TBX15: variants seen among roughly 807,000 people sequenced by gnomAD.
The protein encoded by TBX15 is T-box transcription factor 15, also known as T-box transcription factor TBX15.
In TBX15, 18 loss-of-function variants were observed where a neutral mutation model predicts 53.9. The ratio of observed to expected loss-of-function variants is 0.33; its 90% CI spans 0.23 to 0.49. The LOEUF is 0.49. TBX15 is among the 20% of genes least tolerant of loss of function. TBX15 has a pLI of 0.98. For synonymous variants in TBX15, 295 were observed against 278.0 expected, an observed-to-expected ratio of 1.06 and a Z score of -0.61; for missense variants, 692 against 749.5, an observed-to-expected ratio of 0.92 and a Z score of 0.90.
rs150743735 is a variant in TBX15 at position 118,905,747 on chromosome 1, A to G, written c.927-6622T>C. ...GTAGAAAGAGATTGGCTGGACAAAT[A>G]TACCCAATGGCTTTAGGGAAACCAA... On this transcript the variant is annotated intron_variant, in intron 6 of 7. Coordinates refer to ENST00000369429, the MANE Select transcript of TBX15 (RefSeq NM_001330677.2). 3.2e-4 allele frequency among the ~76,000 whole-genome samples: 48 copies of G among 152,334 alleles called. No individual in the cohort carries two copies. The East Asian group carries it at 8.5e-3, about 27-fold the overall frequency.
chr1:118,893,613 AAGAGAG>A (rs146118610), intron 7 of TBX15, among the ~76,000 whole-genome samples: 1 of 136,548 alleles, frequency 7.3e-6, no homozygotes, highest in African/African-American at 3.5e-5. Context: ...GAAAGAAAGA[AAGAGAG>A]AGAGAAAGAA....
chr1:118,889,529 C>G (rs995175666), intron 7 of TBX15, among the ~76,000 whole-genome samples: 1 of 152,162 alleles, frequency 6.6e-6, no homozygotes, highest in African/African-American at 2.4e-5. Context: ...CCCTCCTCCC[C>G]TCTGTACCTG....
chr1:118,929,740 A>T (rs1200570384), intron 2 of TBX15, among the ~76,000 whole-genome samples: 1 of 152,236 alleles, frequency 6.6e-6, no homozygotes, highest in Non-Finnish European at 1.5e-5. Context: ...AAATGAACTC[A>T]ATTCACTAAA....
intron 1 of TBX15, among the ~76,000 whole-genome samples, chr1:118,933,270 G>A (rs1406492128): frequency 6.6e-6 from 1 of 152,060 alleles, no homozygotes; most frequent in Non-Finnish European, 1.5e-5. Flanking sequence ...GCCCACAGGG[G>A]AAAAAGTGTC....
intron 1 of TBX15, among the ~76,000 whole-genome samples, chr1:118,963,721 C>G (rs1160193092): frequency 6.6e-6 from 1 of 152,226 alleles, no homozygotes. Flanking sequence ...ATCAGTGGGT[C>G]TCAATTAATG....
At chr1:118,893,809 T>C (rs970103535) in intron 7 of TBX15, among the ~76,000 whole-genome samples, 1 of 152,216 alleles carries the variant, frequency 6.6e-6, no homozygotes, top group African/African-American at 2.4e-5. Context: ...CATTAGTCCC[T>C]ATGATACAGA....
rs185166929 is a variant in TBX15, at chr1:118,909,481, T to C, written c.926+4634A>G. ...TCATGAATCAGATCAGTCATTCTGG[T>C]TCCCATTGAGAGGAATGAGAAAGGG... On this transcript the variant is annotated intron_variant, in intron 6 of 7. Transcript: ENST00000369429. 5.3e-5 allele frequency among the ~76,000 whole-genome samples: 8 copies of C among 152,316 alleles called. No homozygotes were observed. In the East Asian group the frequency reaches 1.5e-3, roughly 29 times the overall value.
At chr1:118,925,372 A>G (rs1005974857) in intron 3 of TBX15, among the ~76,000 whole-genome samples, 5 of 152,206 alleles carry the variant, frequency 3.3e-5, no homozygotes, top group Non-Finnish European at 7.3e-5. Flanking sequence ...ACTTTGAGGC[A>G]TTTCTATGAC....
At chr1:118,908,179 C>G (rs1056357227) in intron 6 of TBX15, among the ~76,000 whole-genome samples, 6 of 152,130 alleles carry the variant, frequency 3.9e-5, no homozygotes, top group African/African-American at 1.4e-4. Context: ...TCTAGAGCTC[C>G]TGATTTTTAA....
At chr1:118,928,846 C>T (rs1219623617) in intron 2 of TBX15, among the ~76,000 whole-genome samples, 3 of 152,188 alleles carry the variant, frequency 2.0e-5, no homozygotes, top group African/African-American at 7.2e-5. Context: ...AACTATGTGA[C>T]TTTGGATAAA....
At chr1:118,891,611 A>G (rs1054961307) in intron 7 of TBX15, among the ~76,000 whole-genome samples, 1 of 152,202 alleles carries the variant, frequency 6.6e-6, no homozygotes, top group African/African-American at 2.4e-5. Context: ...AGATGACTCA[A>G]TTAAAGACAA....
intron 1 of TBX15, among the ~76,000 whole-genome samples, chr1:118,985,249 C>T (rs970242264): frequency 3.2e-4 from 48 of 152,290 alleles, no homozygotes; most frequent in African/African-American, 1.2e-3. Flanking sequence ...ATGAGGCTCA[C>T]CCGGGAAGAG....
At chr1:118,976,845 T>C (rs771911338) in intron 1 of TBX15, among the ~76,000 whole-genome samples, 2 of 152,218 alleles carry the variant, frequency 1.3e-5, no homozygotes, top group Non-Finnish European at 2.9e-5. Context: ...GTCCCACACA[T>C]TCCATTTAAA....
At chr1:118,948,027 T>C (rs1656398999) in intron 1 of TBX15, among the ~76,000 whole-genome samples, 1 of 152,172 alleles carries the variant, frequency 6.6e-6, no homozygotes, top group Non-Finnish European at 1.5e-5. Flanking sequence ...GGTAGGGAAC[T>C]AGCAGCCAAG....
At chr1:118,985,217 T>C (rs1251757116) in intron 1 of TBX15, among the ~76,000 whole-genome samples, 1 of 152,048 alleles carries the variant, frequency 6.6e-6, no homozygotes, top group Non-Finnish European at 1.5e-5. Context: ...TTCTGGGCCC[T>C]AAGGACAAAA....
intron 1 of TBX15, among the ~76,000 whole-genome samples, chr1:118,986,436 ACT>A (rs1275267248): frequency 5.9e-5 from 9 of 152,162 alleles, no homozygotes; most frequent in Admixed American, 5.9e-4. Context: ...AATTCATAAA[ACT>A]CTATCTCTGC....
chr1:118,924,836 G>C lies in TBX15; in HGVS notation c.522-19C>G, dbSNP rs938280951. 6 of 1,613,778 alleles carry C rather than the reference G, an allele frequency of 3.7e-6. No individual in the cohort carries two copies. The African/African-American group carries it at 4.0e-5, about 11-fold the overall frequency. On this transcript the variant is annotated intron_variant, in intron 3 of 7. Transcript: ENST00000369429. ...CACATATCTGAGATAAAGAGGAAGA[G>C]AGGAAAATTCAGAGACAGAGGCAGA...
chr1:118,899,007 G>T (rs768477163), intron 7 of TBX15, 21 bp downstream of exon 7: 1 of 1,612,064 alleles, frequency 6.2e-7, no homozygotes, highest in South Asian at 1.1e-5. Flanking sequence ...ACTAAGCAGA[G>T]GCCTTGCTCC....
intron 1 of TBX15, among the ~76,000 whole-genome samples, chr1:118,957,770 C>T (rs1483036143): frequency 3.3e-5 from 5 of 152,152 alleles, no homozygotes; most frequent in African/African-American, 1.2e-4. Flanking sequence ...TGGTTTCCAG[C>T]TTCATCCATG....
Sources: allele counts gnomAD v4.1 joint callset (sites outside exome capture counted in the v4.1 genomes callset), GRCh38; gene constraint gnomAD v4.1.1; transcripts MANE v1.5; gene names NCBI Gene and HGNC (gene_info 2026-07-23, HGNC 2026-07-21).